AFDN: variants seen among roughly 807,000 people sequenced by gnomAD.
AFDN encodes the protein afadin.
AFDN carries 68 observed loss-of-function variants against 216.6 expected under a neutral mutation model. The observed-to-expected ratio is 0.31, with a 90% CI of 0.26 to 0.38. AFDN has a LOEUF of 0.38. AFDN is among the 10% of genes least tolerant of loss of function. The pLI, the probability that AFDN is intolerant of heterozygous loss-of-function variation, is 1.00. For synonymous variants in AFDN, 868 were observed against 853.7 expected, an observed-to-expected ratio of 1.02 and a Z score of -0.29; for missense variants, 2,136 against 2,342.0, an observed-to-expected ratio of 0.91 and a Z score of 1.82.
chr6:167,844,849 C>CTTTTCTTTT (rs1781463432), intron 1 of AFDN, among the ~76,000 whole-genome samples: 1 of 127,714 alleles, frequency 7.8e-6, no homozygotes, highest in Non-Finnish European at 1.6e-5. Context: ...CTTTTCTTTT[C>CTTTTCTTTT]TTTTTTTTTT....
intron 15 of AFDN, 38 bp downstream of exon 15, chr6:167,911,527 T>C (rs749427843): frequency 6.3e-7 from 1 of 1,591,224 alleles, no homozygotes; most frequent in South Asian, 1.1e-5. Context: ...CTCCAGTGAT[T>C]GTGGTTGTAA....
chr6:167,827,346 T>TCTCCCCCTC (rs1562509737), intron 1 of AFDN, 109 bp downstream of exon 1: 1 of 119,134 alleles, frequency 8.4e-6, no homozygotes, highest in African/African-American at 4.3e-5. Flanking sequence ...CCTTTCCCCC[T>TCTCCCCCTC]CCCCCCTCCG....
At chr6:167,883,763 G>A (rs560288362) in intron 6 of AFDN, among the ~76,000 whole-genome samples, 6 of 152,200 alleles carry the variant, frequency 3.9e-5, no homozygotes, top group East Asian at 1.9e-4. Context: ...AGGGGCTTGC[G>A]TGGATGTTGA....
At position 167,947,940 on chromosome 6, in the gene AFDN, C is replaced by T; in HGVS notation, c.3641C>T (p.Thr1214Ile). Residue 1214 changes from threonine (T) to isoleucine (I), a missense_variant, in exon 28 of 34, where the codon ACT becomes ATT. By Grantham distance (89) the Thr-to-Ile change is moderately conservative. Transcript: ENST00000683244. ...TCTGTCTCTACTGGAAACCTCTGCA[C>T]TGAGGTCTGATTGATTGATAAGCAA... ...ITSVSTGNLC[T>I]EEQTPPPRPE... 6.2e-7 allele frequency: 1 copy of T among 1,610,576 alleles called. No homozygotes were observed. Among genetic ancestry groups the T allele is most frequent in the Non-Finnish European group, 8.5e-7 (1 of 1,176,888 alleles).
chr6:167,834,856 C>G (rs1454480689), intron 1 of AFDN, among the ~76,000 whole-genome samples: 1 of 152,046 alleles, frequency 6.6e-6, no homozygotes, highest in African/African-American at 2.4e-5. Flanking sequence ...GTGGCACATA[C>G]CTGTGTTCCC....
intron 31 of AFDN, chr6:167,963,999 A>G: frequency 9.4e-7 from 1 of 1,064,410 alleles, no homozygotes; most frequent in Non-Finnish European, 1.1e-6. Flanking sequence ...GCCACGCCGG[A>G]GCCTCGGCGG....
intron 30 of AFDN, among the ~76,000 whole-genome samples, chr6:167,959,813 C>T (rs1165603255): frequency 6.6e-6 from 1 of 152,108 alleles, no homozygotes; most frequent in African/African-American, 2.4e-5. Context: ...CTTTCAAATC[C>T]CAGTGTAGTT....
At position 167,870,414 on chromosome 6, in the gene AFDN, T is replaced by C. The variant is rs1362798492; in HGVS notation, c.330T>C (p.Pro110=). The C allele has an allele frequency of 6.2e-7, 1 of 1,610,642 alleles. No individual in the cohort carries two copies. Among genetic ancestry groups the C allele is most frequent in the Non-Finnish European group, 8.5e-7 (1 of 1,178,044 alleles). The change falls in exon 3 of 34, where the codon CCT becomes CCC. Residue 110 remains proline, a synonymous_variant. Transcript: ENST00000683244. The stretch of plus-strand genomic sequence containing the variant: ...GAAGATTGGATATAGATGAGAAACC[T>C]CTAGTTGTACAACTGAATTGGAACA... The part of the protein sequence containing the change: ...GERRLDIDEK[P]LVVQLNWNKD...
chr6:167,963,255 C>T (rs1161893548), intron 31 of AFDN: 2 of 1,063,200 alleles, frequency 1.9e-6, no homozygotes, highest in Non-Finnish European at 2.3e-6. Flanking sequence ...TGGCCGACGC[C>T]CTCTGGATGA....
intron 30 of AFDN, among the ~76,000 whole-genome samples, chr6:167,961,428 C>T (rs2128742570): frequency 6.6e-6 from 1 of 152,292 alleles, no homozygotes; most frequent in South Asian, 2.1e-4. Flanking sequence ...GAGAGTCTTT[C>T]TGTTCTGCAC....
chr6:167,885,634 T>TTAA (rs1350915897), intron 6 of AFDN, among the ~76,000 whole-genome samples: 1 of 152,120 alleles, frequency 6.6e-6, no homozygotes. Context: ...CATGACAGAT[T>TTAA]TAATAATAAT....
At chr6:167,860,159 CTTTTTT>C (rs370176215) in intron 1 of AFDN, among the ~76,000 whole-genome samples, 7,154 of 79,290 alleles carry the variant, frequency 0.09, 333 homozygotes, top group African/African-American at 0.22. Flanking sequence ...TACAGCAATG[CTTTTTT>C]TTTTTTTTTT....
intron 17 of AFDN, 104 bp from the exon 18 acceptor site, chr6:167,914,540 T>C (rs573523267): frequency 2.1e-6 from 2 of 943,018 alleles, no homozygotes; most frequent in Admixed American, 5.3e-5. Context: ...TTTTTTTTAA[T>C]GGAAAATATT....
chr6:167,964,929 T>C, intron 31 of AFDN: 1 of 1,059,240 alleles, frequency 9.4e-7, no homozygotes, highest in South Asian at 4.6e-5. Context: ...TTTTTTAATG[T>C]TAAAAGAATT....
At chr6:167,900,741 T>C (rs764261956) in intron 11 of AFDN, among the ~76,000 whole-genome samples, 3 of 152,170 alleles carry the variant, frequency 2.0e-5, no homozygotes, top group Non-Finnish European at 4.4e-5. Flanking sequence ...TGTGTGCAGC[T>C]TTGGTAGGTG....
At chr6:167,896,738 C>T in intron 9 of AFDN, 140 bp from the exon 10 acceptor site, 2 of 555,840 alleles carry the variant, frequency 3.6e-6, no homozygotes, top group Non-Finnish European at 3.2e-6. Flanking sequence ...AATTGTGTTA[C>T]ATAAGTTTGG....
intron 21 of AFDN, among the ~76,000 whole-genome samples, chr6:167,919,471 G>A (rs1791515333): frequency 6.6e-6 from 1 of 152,242 alleles, no homozygotes; most frequent in Admixed American, 6.5e-5. Flanking sequence ...ATTCTTGGGA[G>A]GACTGAATGG....
chr6:167,855,859 T>C (rs1354916666), intron 1 of AFDN, among the ~76,000 whole-genome samples: 1 of 152,160 alleles, frequency 6.6e-6, no homozygotes, highest in Non-Finnish European at 1.5e-5. Flanking sequence ...GCATCATTAC[T>C]TTTCTGAGAA....
At chr6:167,897,101 ATC>A (rs2128378183) in intron 10 of AFDN, 129 bp downstream of exon 10, 1 of 467,494 alleles carries the variant, frequency 2.1e-6, no homozygotes, top group East Asian at 3.4e-5. Flanking sequence ...TAAATAATTT[ATC>A]TACTCTGGGT....
Sources: allele counts gnomAD v4.1 joint callset (sites outside exome capture counted in the v4.1 genomes callset), GRCh38; gene constraint gnomAD v4.1.1; transcripts MANE v1.5; gene names NCBI Gene and HGNC (gene_info 2026-07-23, HGNC 2026-07-21).